VPS13A: variants seen among roughly 807,000 people sequenced by gnomAD.
The protein encoded by VPS13A is intermembrane lipid transfer protein VPS13A.
A neutral mutation model predicts 390.9 loss-of-function variants in VPS13A; 264 were observed. The observed-to-expected ratio is 0.68, with a 90% confidence interval of 0.61 to 0.75. The LOEUF (loss-of-function observed/expected upper bound fraction) is 0.75, where lower values mean the gene tolerates loss of function less well. Among genes scored for constraint, VPS13A ranks in the 30% least tolerant of loss-of-function variants. The probability of loss-of-function intolerance (pLI) is 0.00; values close to 1 mark genes in which losing one functional copy is unlikely to be tolerated. For synonymous variants in VPS13A, 1,231 were observed against 1,227.1 expected, an observed-to-expected ratio of 1.00 and a Z score of -0.07; for missense variants, 3,409 against 3,733.9, an observed-to-expected ratio of 0.91 and a Z score of 2.27.
intron 3 of VPS13A, among the ~76,000 whole-genome samples, chr9:77,204,656 T>C (rs1825533410): frequency 6.6e-6 from 1 of 152,158 alleles, no homozygotes; most frequent in Non-Finnish European, 1.5e-5. Flanking sequence ...GGTAAAGGTC[T>C]CACTCTGTCA....
chr9:77,370,393 T>C (rs771514462), intron 64 of VPS13A, 22 bp from the exon 65 acceptor site: 3 of 1,614,030 alleles, frequency 1.9e-6, no homozygotes, highest in Non-Finnish European at 1.7e-6. Context: ...TCATTACTTT[T>C]ACTAAAGATA....
chr9:77,199,728 G>A lies in VPS13A; in HGVS notation c.101-217G>A, dbSNP rs150873396. ...TTAACATTGAGCTACAATTGCAGAG[G>A]TCAAAAGATACAATTAGTGAAGATT... On this transcript the variant is annotated intron_variant, in intron 1 of 71. Transcript: ENST00000360280. Among the ~76,000 whole-genome samples, 215 of 152,066 alleles carry A rather than the reference G, an allele frequency of 1.4e-3. 1 individual carries two copies. Among genetic ancestry groups the A allele is most frequent in the African/African-American group, 5.0e-3 (206 of 41,514 alleles).
At chr9:77,399,199 A>AC (rs1834266647) in intron 68 of VPS13A, among the ~76,000 whole-genome samples, 6 of 110,286 alleles carry the variant, frequency 5.4e-5, no homozygotes, top group African/African-American at 1.4e-4. Context: ...AAAAAAAAAA[A>AC]AAAAAACAAA....
intron 33 of VPS13A, among the ~76,000 whole-genome samples, chr9:77,300,471 C>T (rs1432638422): frequency 6.6e-6 from 1 of 152,156 alleles, no homozygotes; most frequent in Non-Finnish European, 1.5e-5. Context: ...TTGGCTTACG[C>T]CTGTAAACCC....
At chr9:77,413,501 T>A (rs1835034532) in intron 71 of VPS13A, among the ~76,000 whole-genome samples, 1 of 152,214 alleles carries the variant, frequency 6.6e-6, no homozygotes, top group Non-Finnish European at 1.5e-5. Context: ...AAGGATTCCC[T>A]ATTTAATAAA....
intron 37 of VPS13A, 143 bp from the exon 38 acceptor site, chr9:77,315,110 C>A: frequency 1.4e-6 from 1 of 719,886 alleles, no homozygotes; most frequent in Non-Finnish European, 2.3e-6. Context: ...ATTTGGAACA[C>A]TTTATGGATC....
At chr9:77,345,294 G>A (rs1391272589) in intron 52 of VPS13A, 152 bp downstream of exon 52, 4 of 866,288 alleles carry the variant, frequency 4.6e-6, no homozygotes, top group African/African-American at 1.7e-5. Context: ...CTTGAAGCAT[G>A]TAGGGGTAAA....
At chr9:77,400,207 C>G (rs961781902) in intron 68 of VPS13A, among the ~76,000 whole-genome samples, 1 of 127,450 alleles carries the variant, frequency 7.8e-6, no homozygotes, top group African/African-American at 3.3e-5. Context: ...AATATTTTCT[C>G]ATGTTTATCA....
intron 45 of VPS13A, among the ~76,000 whole-genome samples, chr9:77,329,168 G>T (rs1830160608): frequency 6.6e-6 from 1 of 152,150 alleles, no homozygotes; most frequent in South Asian, 2.1e-4. Flanking sequence ...TTTGGGTGGG[G>T]GACCTAGCCA....
intron 20 of VPS13A, among the ~76,000 whole-genome samples, chr9:77,247,792 CTG>C (rs1824907600): frequency 6.6e-6 from 1 of 152,156 alleles, no homozygotes; most frequent in Non-Finnish European, 1.5e-5. Context: ...TCCTGAGTAT[CTG>C]GGATTACATG....
In VPS13A at chr9:77,197,764, T is replaced by C. The variant is rs77986940; in HGVS notation, c.101-2181T>C. Among the ~76,000 whole-genome samples, 619 of 152,282 alleles carry C rather than the reference T, an allele frequency of 4.1e-3. 13 individuals carry two copies. The East Asian group carries it at 0.061, about 15-fold the overall frequency. On this transcript the variant is annotated intron_variant, in intron 1 of 71. Coordinates refer to ENST00000360280, the MANE Select transcript of VPS13A (RefSeq NM_033305.3). ...ATAGCCCAAAGATAATTTTATACAATATTTTAAATAATTTTCTGCATGAAA... is the reference window on the plus strand; with the variant it reads ...ATAGCCCAAAGATAATTTTATACAACATTTTAAATAATTTTCTGCATGAAA...
rs764414219 is a variant in VPS13A, at chr9:77,361,298, G to C, written c.8211+657G>C. Among the ~76,000 whole-genome samples, 7 of 152,010 alleles carry C rather than the reference G, an allele frequency of 4.6e-5. 1 individual carries two copies. Among genetic ancestry groups the C allele is most frequent in the Non-Finnish European group, 1.0e-4 (7 of 67,956 alleles). ...TGATACACTTTGTGTCTTTAGGTTT[G>C]CCTATTCTGAATATTTCATACAAAT... is the stretch of plus-strand genomic sequence containing the variant. On this transcript the variant is annotated intron_variant, in intron 59 of 71. Coordinates refer to ENST00000360280, the MANE Select transcript of VPS13A (RefSeq NM_033305.3).
At chr9:77,203,808 G>A (rs571227974) in intron 3 of VPS13A, among the ~76,000 whole-genome samples, 33 of 152,008 alleles carry the variant, frequency 2.2e-4, no homozygotes, top group African/African-American at 7.7e-4. Flanking sequence ...TTTCATTTTG[G>A]TTATATTTTT....
chr9:77,408,925 T>TCTGA (rs1834764761), intron 71 of VPS13A, among the ~76,000 whole-genome samples: 1 of 152,200 alleles, frequency 6.6e-6, no homozygotes, highest in African/African-American at 2.4e-5. Context: ...AATGTCCCTG[T>TCTGA]CTGACAGCCT....
chr9:77,407,208 A>G (rs1402347331), intron 70 of VPS13A, among the ~76,000 whole-genome samples: 1 of 152,160 alleles, frequency 6.6e-6, no homozygotes, highest in Non-Finnish European at 1.5e-5. Context: ...GTAAGAAATT[A>G]TTTGGAGACG....
At position 77,365,481 on chromosome 9, in the gene VPS13A, A is replaced by G. The variant is rs780530847; in HGVS notation, c.8233A>G (p.Ile2745Val). ...NTEVELFHKD[I>V]EAFKEEYKTA... ...ATAGGTTGAGCTTTTTCATAAAGAT[A>G]TAGAAGCTTTCAAAGAAGAATATAA... Residue 2745 changes from isoleucine (I) to valine (V), a missense_variant, in exon 60 of 72, where the codon ATA (isoleucine) becomes GTA (valine). Physicochemically the swap from Ile to Val is conservative, Grantham distance 29. Around this residue, in one of 5 missense-constraint regions of VPS13A, gnomAD observed 123 missense variants for 118.7 expected, o/e 1.04. Coordinates refer to ENST00000360280, the MANE Select transcript of VPS13A (RefSeq NM_033305.3). The G allele has an allele frequency of 5.6e-6, 9 of 1,610,070 alleles. No homozygotes were observed. Among genetic ancestry groups the G allele is most frequent in the Admixed American group, 1.7e-5 (1 of 59,978 alleles).
chr9:77,206,050 A>T lies in VPS13A; in HGVS notation c.356A>T (p.Glu119Val). Residue 119 changes from glutamate to valine, a missense_variant, in exon 5 of 72, where the codon GAA (glutamate) becomes GTA (valine). Coordinates refer to ENST00000360280, the MANE Select transcript of VPS13A (RefSeq NM_033305.3). Reference sequence around the variant, plus strand: ...AAGCAACAGGAACTGAAAAGAATAGAAGAAGCAAAACAAAAAGTAGTTGAT... The same window carrying T: ...AAGCAACAGGAACTGAAAAGAATAGTAGAAGCAAAACAAAAAGTAGTTGAT... ...EAKQQELKRIEEAKQKVVDQE... is the reference protein window; with the variant it reads ...EAKQQELKRIVEAKQKVVDQE... The T allele has an allele frequency of 6.3e-7, 1 of 1,581,752 alleles. No individual in the cohort carries two copies. Among genetic ancestry groups the T allele is most frequent in the Non-Finnish European group, 8.6e-7 (1 of 1,161,788 alleles).
intron 23 of VPS13A, among the ~76,000 whole-genome samples, chr9:77,267,823 C>T (rs1343642425): frequency 6.6e-6 from 1 of 152,234 alleles, no homozygotes; most frequent in Non-Finnish European, 1.5e-5. Context: ...TATCTATAAG[C>T]CCCTGACTGG....
At chr9:77,316,067 T>A in intron 38 of VPS13A, 107 bp from the exon 39 acceptor site, 4 of 572,104 alleles carry the variant, frequency 7.0e-6, no homozygotes, top group Non-Finnish European at 9.6e-6. Flanking sequence ...GGATCTAAGA[T>A]TCTTTTGTTT....
Sources: gnomAD v4.1 joint callset for allele counts (sites outside exome capture counted in the v4.1 genomes callset) on GRCh38, gnomAD v4.1.1 for gene constraint, gnomAD v4.1.1 regional missense constraint, MANE v1.5 for transcripts, NCBI Gene and HGNC (gene_info 2026-07-23, HGNC 2026-07-21) for gene names.